The following ATP8B2 variants were observed in gnomAD, a reference collection of about 807,000 sequenced individuals.
ATP8B2 encodes phospholipid-transporting ATPase ID.
A neutral mutation model predicts 133.4 loss-of-function variants in ATP8B2; 70 were observed. The ratio of observed to expected loss-of-function variants is 0.52; its 90% CI spans 0.43 to 0.64. ATP8B2 has a LOEUF of 0.64. Among genes scored for constraint, ATP8B2 ranks in the 30% least tolerant of loss-of-function variants. The pLI, the probability that ATP8B2 is intolerant of heterozygous loss-of-function variation, is 0.00. For missense variants in ATP8B2, 1,101 were observed against 1,535.7 expected, an observed-to-expected ratio of 0.72 and a Z score of 4.73; for synonymous variants, 517 against 589.5, an observed-to-expected ratio of 0.88 and a Z score of 1.78.
In ATP8B2 at chr1:154,351,024, G is replaced by A. The variant is rs1313740895; in HGVS notation, c.*1906G>A. On this transcript the variant is annotated 3_prime_UTR_variant, in exon 28 of 28. Transcript: ENST00000368489. Reference sequence around the variant, plus strand: ...TACAAACCCAGTATCATGTCTGTCTGTGTGTCTCTCAAGGTGAGAGTCTGA... The same window carrying A: ...TACAAACCCAGTATCATGTCTGTCTATGTGTCTCTCAAGGTGAGAGTCTGA... 1 of 152,288 alleles carries A rather than the reference G, an allele frequency of 6.6e-6. No individual in the cohort carries two copies. Among genetic ancestry groups the A allele is most frequent in the African/African-American group, 2.4e-5 (1 of 41,366 alleles). 9.4% of individuals were successfully genotyped at this position (152,288 alleles called of 1,614,324 possible).
Position 154,345,195 on chromosome 1 carries a change from C to G in ATP8B2, c.2470+41C>G. The G allele has an allele frequency of 6.2e-7, 1 of 1,602,702 alleles. No individual in the cohort carries two copies. Among genetic ancestry groups the G allele is most frequent in the Non-Finnish European group, 8.5e-7 (1 of 1,172,732 alleles). ...GCAGGTGTGTAGGCTGGGCTTGAGG[C>G]TGGGGAGGGGCCCACTGAGGTCTCT... On this transcript the variant is annotated intron_variant, in intron 22 of 27. Transcript: ENST00000368489. The surrounding 1 kb of genome is among the most constrained non-coding windows in gnomAD (Gnocchi z 5.6).
At chr1:154,337,123 A>G (rs1308866351) in intron 11 of ATP8B2, among the ~76,000 whole-genome samples, 1 of 144,288 alleles carries the variant, frequency 6.9e-6, no homozygotes. Context: ...TTTTTTTATA[A>G]TTATTTTTCA....
In ATP8B2 at chr1:154,334,193, AAC is replaced by A; in HGVS notation, c.677_678del (p.Asn226ThrfsTer28). On this transcript the variant is annotated frameshift_variant, in exon 10 of 28. Coordinates refer to ENST00000368489, the MANE Select transcript of ATP8B2 (RefSeq NM_001370597.1). LOFTEE classifies it high-confidence loss of function. This position sits in a 1 kb window ranked among gnomAD's most constrained non-coding sequence, Gnocchi z 4.6. ...GAAGGAAAATAAGTTCCCTCTGAGC[AAC>A]CAGAACATGCTGCTGCGGGGCTGTG... ...YWKENKFPLS[N>X]QNMLLRGCVL... 1 of 1,614,234 alleles carries A rather than the reference AAC, an allele frequency of 6.2e-7. No individual in the cohort carries two copies. The highest frequency in any genetic ancestry group is 8.5e-7 in the Non-Finnish European group (1 of 1,180,052).
At position 154,343,106 on chromosome 1, in the gene ATP8B2, C is replaced by T. The variant is rs1686442134; in HGVS notation, c.1454-7C>T. On this transcript the variant is annotated splice_region_variant and splice_polypyrimidine_tract_variant and intron_variant, in intron 15 of 27. Coordinates refer to ENST00000368489, the MANE Select transcript of ATP8B2 (RefSeq NM_001370597.1). The surrounding 1 kb of genome is among the most constrained non-coding windows in gnomAD (Gnocchi z 5.8). ...TTATATCACGTGTATTCTTCCTCCC[C>T]ACCCAGGAGAGCTGTACTACAAAGC... The T allele has an allele frequency of 1.9e-6, 3 of 1,610,516 alleles. No homozygotes were observed. The highest frequency in any genetic ancestry group is 2.5e-6 in the Non-Finnish European group (3 of 1,178,194).
At chr1:154,348,578 G>A (rs774123927) in intron 27 of ATP8B2, 40 bp downstream of exon 27, 1 of 1,606,388 alleles carries the variant, frequency 6.2e-7, no homozygotes, top group African/African-American at 1.3e-5. Flanking sequence ...GCAGAGATGG[G>A]GTGGCTGGAA....
rs1453425994 is a variant in ATP8B2 at position 154,343,092 on chromosome 1, G to A, written c.1454-21G>A. 9.3e-6 allele frequency: 15 copies of A among 1,607,094 alleles called. No homozygotes were observed. The highest frequency in any genetic ancestry group is 1.3e-5 in the Non-Finnish European group (15 of 1,176,412). On this transcript the variant is annotated intron_variant, in intron 15 of 27. Coordinates refer to ENST00000368489, the MANE Select transcript of ATP8B2 (RefSeq NM_001370597.1). This position sits in a 1 kb window ranked among gnomAD's most constrained non-coding sequence, Gnocchi z 5.8. ...CTGAGGGAAGCCACTTATATCACGT[G>A]TATTCTTCCTCCCCACCCAGGAGAG...
chr1:154,332,342 TGGG>T (rs1686022147), intron 8 of ATP8B2, among the ~76,000 whole-genome samples: 1 of 152,166 alleles, frequency 6.6e-6, no homozygotes, highest in South Asian at 2.1e-4. Context: ...GAGACCAGCC[TGGG>T]CAAGATGGTG....
At chr1:154,335,468 G>A (rs2149165059) in intron 11 of ATP8B2, among the ~76,000 whole-genome samples, 1 of 152,104 alleles carries the variant, frequency 6.6e-6, no homozygotes, top group African/African-American at 2.4e-5. Context: ...AAGGTGGGAG[G>A]ATCATTTGAG....
At chr1:154,333,237 TGGGAGGCGGAGGTTGCA>T (rs767995921) in intron 9 of ATP8B2, among the ~76,000 whole-genome samples, 7 of 151,954 alleles carry the variant, frequency 4.6e-5, no homozygotes, top group Non-Finnish European at 7.4e-5. Context: ...CCCTTGAACC[TGGGAGGCGGAGGTTGCA>T]GGGAGGCGGA....
chr1:154,337,925 A>G (rs1275105092), intron 12 of ATP8B2: 2 of 466,118 alleles, frequency 4.3e-6, no homozygotes, highest in African/African-American at 2.0e-5. Flanking sequence ...AATAGGAACC[A>G]GTGCTGTAGA....
rs890556107 is a variant in ATP8B2 at position 154,346,085 on chromosome 1, T to C, written c.2779-146T>C. On this transcript the variant is annotated intron_variant, in intron 24 of 27. Coordinates refer to ENST00000368489, the MANE Select transcript of ATP8B2 (RefSeq NM_001370597.1). This position sits in a 1 kb window ranked among gnomAD's most constrained non-coding sequence, Gnocchi z 4.5. ...CTTGGGTTGCTGAACTAAGTTAGTC[T>C]GGGGGTAGCTGGCTTGAGGTTGGTT... 4.8e-6 allele frequency: 6 copies of C among 1,250,548 alleles called. No individual in the cohort carries two copies. The highest frequency in any genetic ancestry group is 5.7e-6 in the Non-Finnish European group (5 of 884,440). The allele number at this position is 1,250,548 out of a possible 1,614,324, so 77.5% of individuals were successfully genotyped here.
At position 154,344,622 on chromosome 1, in the gene ATP8B2, A is replaced by G. The variant is rs1337902747; in HGVS notation, c.2142-19A>G. 3.7e-6 allele frequency: 6 copies of G among 1,607,016 alleles called. No homozygotes were observed. The highest frequency in any genetic ancestry group is 2.2e-5 in the East Asian group (1 of 44,638). On this transcript the variant is annotated intron_variant, in intron 20 of 27. Transcript: ENST00000368489. The surrounding 1 kb of genome is among the most constrained non-coding windows in gnomAD (Gnocchi z 4.1). ...TGCCGTTCTGGAAGACCACAACCGT[A>G]TCATTTCCACCTCGACAGGAAAGCC...
intron 1 of ATP8B2, among the ~76,000 whole-genome samples, chr1:154,326,133 A>G (rs539639392): frequency 1.3e-5 from 2 of 152,160 alleles, no homozygotes; most frequent in South Asian, 2.1e-4. Flanking sequence ...GTGGAGGTCT[A>G]TGCCTGAGGA....
rs750799061 is a variant in ATP8B2, at chr1:154,330,474, C to A, written c.90+20C>A. On this transcript the variant is annotated intron_variant, in intron 3 of 27. Transcript: ENST00000368489. ...TATGCGGTAAGCGACTCTAGACCAC[C>A]TGTTCCCTCTCTCTGTTTGGAGAGG... The A allele has an allele frequency of 6.2e-7, 1 of 1,612,094 alleles. No individual in the cohort carries two copies. The highest frequency in any genetic ancestry group is 8.5e-7 in the Non-Finnish European group (1 of 1,178,540).
rs1156813330 is a variant in ATP8B2 at position 154,340,401 on chromosome 1, C to T, written c.1035-453C>T. 1.7e-5 allele frequency: 3 copies of T among 173,540 alleles called. No homozygotes were observed. The highest frequency in any genetic ancestry group is 1.8e-4 in the East Asian group (1 of 5,534). 10.8% of individuals were successfully genotyped at this position (173,540 alleles called of 1,614,324 possible). On this transcript the variant is annotated intron_variant, in intron 12 of 27. Coordinates refer to ENST00000368489, the MANE Select transcript of ATP8B2 (RefSeq NM_001370597.1). This position sits in a 1 kb window ranked among gnomAD's most constrained non-coding sequence, Gnocchi z 4.0. ...TCAAGCCTTCTCCATTTCCCCTCCC[C>T]GGTGCCACCCCTCTTTGAGGTGGCG... is the stretch of plus-strand genomic sequence containing the variant.
In ATP8B2 at chr1:154,331,657, A is replaced by G. The variant is rs1685996710; in HGVS notation, c.417A>G (p.Leu139=). ...MNVCVGDIIK[L]ENNQFVAADL... The stretch of plus-strand genomic sequence containing the variant: ...TCTGTGTTGGTGATATTATCAAGCT[A>G]GAAAATAACCAGTTTGTGGCGGTAA... Residue 139 remains leucine (L), a synonymous_variant, in exon 7 of 28, where the codon CTA becomes CTG. Transcript: ENST00000368489. This position sits in a 1 kb window ranked among gnomAD's most constrained non-coding sequence, Gnocchi z 4.8. 6.2e-7 allele frequency: 1 copy of G among 1,614,092 alleles called. No individual in the cohort carries two copies. Among genetic ancestry groups the G allele is most frequent in the African/African-American group, 1.3e-5 (1 of 74,924 alleles).
chr1:154,325,960 C>T (rs533158689), intron 1 of ATP8B2, among the ~76,000 whole-genome samples: 117 of 152,072 alleles, frequency 7.7e-4, no homozygotes, highest in African/African-American at 2.6e-3. Context: ...GCCGAAGGGG[C>T]GCGTGGAGAG....
chr1:154,327,600 A>G (rs1340034086), intron 1 of ATP8B2, among the ~76,000 whole-genome samples: 1 of 152,102 alleles, frequency 6.6e-6, no homozygotes, highest in African/African-American at 2.4e-5. Flanking sequence ...TGGAAGCCCT[A>G]GTAATGGGGG....
intron 12 of ATP8B2, among the ~76,000 whole-genome samples, chr1:154,339,455 T>C (rs1686302207): frequency 6.6e-6 from 1 of 152,218 alleles, no homozygotes; most frequent in South Asian, 2.1e-4. Context: ...AGTTACTGGG[T>C]GGTAGCCTGC....
Sources: allele counts gnomAD v4.1 joint callset (sites outside exome capture counted in the v4.1 genomes callset), GRCh38; gene constraint gnomAD v4.1.1; non-coding constraint Gnocchi (gnomAD v3.1); transcripts MANE v1.5; gene names NCBI Gene and HGNC (gene_info 2026-07-23, HGNC 2026-07-21).